The following CR1 variants were observed in gnomAD, a reference collection of about 807,000 sequenced individuals.
CR1 encodes the protein complement receptor type 1.
Under a neutral mutation model 187.3 loss-of-function variants are expected in CR1, and 116 were observed. The observed-to-expected ratio is 0.62, with a 90% confidence interval of 0.53 to 0.72. The LOEUF is 0.72. Among genes scored for constraint, CR1 ranks in the 30% least tolerant of loss-of-function variants. The pLI is 0.00. For missense variants in CR1, 1,731 were observed against 2,110.7 expected (o/e 0.82, Z 3.52); for synonymous variants, 576 against 747.1 (o/e 0.77, Z 3.73).
intron 43 of CR1, among the ~76,000 whole-genome samples, chr1:207,620,290 C>G (rs1233635835): frequency 6.6e-6 from 1 of 152,210 alleles, no homozygotes; most frequent in African/African-American, 2.4e-5. Flanking sequence ...GTCTATATCA[C>G]TTTGTGGTTG....
At chr1:207,526,636 G>T in intron 5 of CR1, 117 bp from the exon 6 acceptor site, 1 of 1,449,562 alleles carries the variant, frequency 6.9e-7, no homozygotes, top group Non-Finnish European at 9.1e-7. Flanking sequence ...TAATAAGGCT[G>T]TTATTCTAAC....
intron 35 of CR1, among the ~76,000 whole-genome samples, chr1:207,596,847 G>T (rs1571575970): frequency 7.2e-6 from 1 of 137,938 alleles, no homozygotes; most frequent in South Asian, 2.1e-4. Context: ...TAATAAATAT[G>T]ATATAAATTT....
intron 1 of CR1, among the ~76,000 whole-genome samples, chr1:207,501,859 T>G (rs541677804): frequency 6.6e-6 from 1 of 151,868 alleles, no homozygotes; most frequent in South Asian, 2.1e-4. Context: ...ATCCCACATA[T>G]CAACTAGAGG....
chr1:207,623,233 A>G (rs1291303838), intron 45 of CR1, among the ~76,000 whole-genome samples, 165 bp downstream of exon 45: 2 of 151,962 alleles, frequency 1.3e-5, no homozygotes, highest in Non-Finnish European at 2.9e-5. Context: ...TATTCACACT[A>G]AAGGAAGTAT....
At chr1:207,587,675 G>A in intron 34 of CR1, 110 bp downstream of exon 34, 1 of 1,099,958 alleles carries the variant, frequency 9.1e-7, no homozygotes, top group Non-Finnish European at 1.3e-6. Flanking sequence ...AAGGCTGGCA[G>A]ATAGCTTGAA....
intron 4 of CR1, among the ~76,000 whole-genome samples, chr1:207,517,314 A>G (rs1370869192): frequency 6.6e-6 from 1 of 151,986 alleles, no homozygotes; most frequent in Non-Finnish European, 1.5e-5. Context: ...TCATATTTTT[A>G]TTGTAACATT....
chr1:207,592,294 G>T (rs979493229), intron 35 of CR1, among the ~76,000 whole-genome samples: 1 of 152,114 alleles, frequency 6.6e-6, no homozygotes, highest in Admixed American at 6.5e-5. Context: ...TTCAACATAC[G>T]CAAATCAATA....
In CR1 at chr1:207,607,340, A is replaced by T; in HGVS notation, c.5896+4A>T. On this transcript the variant is annotated splice_donor_region_variant and intron_variant, in intron 36 of 46. Transcript: ENST00000367049. ...AAGAAGGCACCTATTTGTGAGAGTA[A>T]GTTGAAATACTTTTCTCCACAAATT... 1.2e-6 allele frequency: 2 copies of T among 1,604,864 alleles called. No individual in the cohort carries two copies. The highest frequency in any genetic ancestry group is 1.7e-6 in the Non-Finnish European group (2 of 1,171,700).
At chr1:207,587,336 G>T in intron 33 of CR1, 50 bp from the exon 34 acceptor site, 1 of 1,498,090 alleles carries the variant, frequency 6.7e-7, no homozygotes, top group Non-Finnish European at 9.1e-7. Flanking sequence ...GAGGAGGTAG[G>T]GTGGAAGTCT....
Position 207,577,795 on chromosome 1 carries a change from T to C in CR1, c.4538-10T>C, listed in dbSNP as rs776091389. ...GTTTTGTTTTGGTTAACTTGCTGTC[T>C]CTTTTCCAGGAATTCCTTGTGGGCT... On this transcript the variant is annotated splice_polypyrimidine_tract_variant and intron_variant, in intron 28 of 46. Coordinates refer to ENST00000367049, the MANE Select transcript of CR1 (RefSeq NM_000651.6). 9.9e-6 allele frequency: 16 copies of C among 1,613,574 alleles called. No individual in the cohort carries two copies. Among genetic ancestry groups the C allele is most frequent in the African/African-American group, 2.7e-5 (2 of 74,912 alleles).
At chr1:207,586,323 A>G (rs1398633895) in intron 33 of CR1, among the ~76,000 whole-genome samples, 1 of 152,106 alleles carries the variant, frequency 6.6e-6, no homozygotes, top group African/African-American at 2.4e-5. Context: ...TTTTATGTAG[A>G]CCGGTTTTCA....
intron 35 of CR1, among the ~76,000 whole-genome samples, chr1:207,602,614 G>T (rs962249154): frequency 1.3e-5 from 2 of 152,032 alleles, no homozygotes; most frequent in Non-Finnish European, 2.9e-5. Flanking sequence ...AGAACACTCG[G>T]CATCCTTCCT....
At chr1:207,618,817 G>A (rs919077712) in intron 42 of CR1, among the ~76,000 whole-genome samples, 8 of 151,822 alleles carry the variant, frequency 5.3e-5, no homozygotes, top group South Asian at 2.1e-4. Context: ...AGGCTGAGGC[G>A]GGAAGATCAT....
chr1:207,596,430 A>G (rs1343058575), intron 35 of CR1, among the ~76,000 whole-genome samples: 1 of 152,112 alleles, frequency 6.6e-6, no homozygotes, highest in East Asian at 1.9e-4. Context: ...CCTGGCCAAC[A>G]TGGAGAAACC....
chr1:207,526,310 A>T (rs1660170005), intron 5 of CR1, among the ~76,000 whole-genome samples: 2 of 151,922 alleles, frequency 1.3e-5, no homozygotes, highest in African/African-American at 4.9e-5. Context: ...GTGATAGGTG[A>T]TGGAGGGACC....
chr1:207,626,736 T>A (rs567905503), intron 45 of CR1, among the ~76,000 whole-genome samples: 27 of 152,164 alleles, frequency 1.8e-4, no homozygotes, highest in Non-Finnish European at 3.5e-4. Flanking sequence ...GTCTGAAGAC[T>A]TACTAAGAAA....
At chr1:207,497,593 C>T (rs1367922128) in intron 1 of CR1, among the ~76,000 whole-genome samples, 1 of 152,140 alleles carries the variant, frequency 6.6e-6, no homozygotes, top group Non-Finnish European at 1.5e-5. Flanking sequence ...AGAAAGTAAC[C>T]TGTCAGGTGC....
At chr1:207,572,675 G>A (rs1279016440) in intron 27 of CR1, among the ~76,000 whole-genome samples, 1 of 149,132 alleles carries the variant, frequency 6.7e-6, no homozygotes, top group Non-Finnish European at 1.5e-5. Flanking sequence ...TCTGTAACAC[G>A]AAGTGGGCGG....
At position 207,523,781 on chromosome 1, in the gene CR1, G is replaced by T. The variant is rs780838328; in HGVS notation, c.658G>T (p.Asp220Tyr). ...EPSIYCTSNDDQVGIWSGPAP... is the reference protein window; with the variant it reads ...EPSIYCTSNDYQVGIWSGPAP... ...CTCCATATACTGCACCAGCAATGAC[G>T]ATCAAGTGGGCATCTGGAGCGGCCC... is the stretch of plus-strand genomic sequence containing the variant. Residue 220 changes from aspartate (D) to tyrosine (Y), a missense_variant, in exon 5 of 47, where the codon GAT becomes TAT. Asp to Tyr is a radical substitution (Grantham distance 160, BLOSUM62 -3). Around this residue, in one of 5 missense-constraint regions of CR1, gnomAD observed 131 missense variants for 196.8 expected, o/e 0.67. Transcript: ENST00000367049. The T allele has an allele frequency of 6.2e-7, 1 of 1,611,796 alleles. No homozygotes were observed. Among genetic ancestry groups the T allele is most frequent in the Non-Finnish European group, 8.5e-7 (1 of 1,179,762 alleles).
Sources: gnomAD v4.1 joint callset for allele counts (sites outside exome capture counted in the v4.1 genomes callset) on GRCh38, gnomAD v4.1.1 for gene constraint, gnomAD v4.1.1 regional missense constraint, MANE v1.5 for transcripts, NCBI Gene and HGNC (gene_info 2026-07-23, HGNC 2026-07-21) for gene names.